PIK3C2G: variants seen among roughly 807,000 people sequenced by gnomAD.
PIK3C2G encodes phosphatidylinositol 3-kinase C2 domain-containing subunit gamma.
A neutral mutation model predicts 181.1 loss-of-function variants in PIK3C2G; 168 were observed. That is an observed-to-expected ratio of 0.93 (90% CI 0.82 to 1.05). The LOEUF is 1.05. PIK3C2G is among the 50% of genes least tolerant of loss of function. PIK3C2G has a pLI of 0.00. For missense variants in PIK3C2G, 1,869 were observed against 1,732.8 expected, an observed-to-expected ratio of 1.08 and a Z score of -1.40; for synonymous variants, 573 against 592.2, an observed-to-expected ratio of 0.97 and a Z score of 0.47.
chr12:18,320,724 GT>G (rs1951071916), intron 6 of PIK3C2G, among the ~76,000 whole-genome samples: 1 of 152,216 alleles, frequency 6.6e-6, no homozygotes, highest in African/African-American at 2.4e-5. Flanking sequence ...ATGCCACGAT[GT>G]TTTTCAACTA....
At chr12:18,713,929 T>G in the PIK3C2G span, 2 of 152,244 alleles carry the variant, frequency 1.3e-5, no homozygotes, top group African/African-American at 4.8e-5. Flanking sequence ...GTGTTCATAC[T>G]ACAAGAGAGC....
At chr12:18,487,255 C>G (rs763635380) in intron 18 of PIK3C2G, among the ~76,000 whole-genome samples, 7 of 151,892 alleles carry the variant, frequency 4.6e-5, no homozygotes, top group Non-Finnish European at 8.8e-5. Flanking sequence ...GGAACAGGCC[C>G]TTACCTTAAA....
At chr12:18,584,412 G>A (rs1022548286) in intron 29 of PIK3C2G, among the ~76,000 whole-genome samples, 46 of 152,192 alleles carry the variant, frequency 3.0e-4, no homozygotes, top group African/African-American at 9.6e-4. Flanking sequence ...AATATTAACA[G>A]CAGATTAGAC....
intron 32 of PIK3C2G, among the ~76,000 whole-genome samples, chr12:18,646,505 G>T (rs898787202): frequency 7.9e-5 from 12 of 152,114 alleles, no homozygotes; most frequent in Non-Finnish European, 1.0e-4. Flanking sequence ...ACCTGGAACT[G>T]AATTTCATTG....
the PIK3C2G span, among the ~76,000 whole-genome samples, chr12:18,703,484 C>T: frequency 1.7e-4 from 26 of 152,174 alleles, no homozygotes; most frequent in Non-Finnish European, 3.2e-4. Context: ...ATGACCATTG[C>T]TTTCTGACCT....
the PIK3C2G span, chr12:18,723,430 T>C: frequency 1.2e-6 from 2 of 1,613,056 alleles, no homozygotes; most frequent in Middle Eastern, 1.7e-4. Flanking sequence ...AATTTTCCGG[T>C]TTTCAGAATA....
At chr12:18,266,013 TAAAAAAAA>T (rs61315448) in intron 1 of PIK3C2G, among the ~76,000 whole-genome samples, 1 of 61,752 alleles carries the variant, frequency 1.6e-5, no homozygotes, top group Non-Finnish European at 2.8e-5. Flanking sequence ...AGACTTCATC[TAAAAAAAA>T]AAAAAAAAAA....
Position 18,362,805 on chromosome 12 carries a change from G to A in PIK3C2G, c.1667G>A (p.Gly556Glu), listed in dbSNP as rs576853300. 6.6e-7 allele frequency: 1 copy of A among 1,524,650 alleles called. No homozygotes were observed. The highest frequency in any genetic ancestry group is 8.8e-7 in the Non-Finnish European group (1 of 1,142,108). 94.4% of individuals were successfully genotyped at this position (1,524,650 alleles called of 1,614,324 possible). Residue 556 changes from glycine to glutamate, a missense_variant, in exon 12 of 33, where the codon GGA becomes GAA. By Grantham distance (98) the Gly-to-Glu change is moderately conservative. Coordinates refer to ENST00000538779, the MANE Select transcript of PIK3C2G (RefSeq NM_001288772.2). ...FSFTCWLTYA[G>E]KKLCQVRNYR... ...TTTACCTGTTGGCTTACATATGCTG[G>A]AAAGAAGCTGTGCCAAGTGAGAAAC... is the stretch of plus-strand genomic sequence containing the variant.
chr12:18,544,714 G>A (rs1242333597), intron 25 of PIK3C2G, among the ~76,000 whole-genome samples: 2 of 151,860 alleles, frequency 1.3e-5, no homozygotes, highest in African/African-American at 2.4e-5. Context: ...TAATTTAGAT[G>A]TCATGAGTTT....
upstream of PIK3C2G, among the ~76,000 whole-genome samples, chr12:18,246,437 TTGG>T (rs1448465089): frequency 2.0e-5 from 3 of 152,140 alleles, no homozygotes; most frequent in African/African-American, 7.2e-5. Context: ...GATTATAATA[TTGG>T]TGGTGTTTTA....
At chr12:18,276,973 A>G (rs955698191) in intron 1 of PIK3C2G, among the ~76,000 whole-genome samples, 1 of 152,222 alleles carries the variant, frequency 6.6e-6, no homozygotes, top group Non-Finnish European at 1.5e-5. Flanking sequence ...AATTGTTCGC[A>G]TAAAAGGGCA....
In PIK3C2G at chr12:18,286,905, C is replaced by A; in HGVS notation, c.737C>A (p.Ala246Asp). 1.9e-6 allele frequency: 3 copies of A among 1,567,876 alleles called. No homozygotes were observed. Among genetic ancestry groups the A allele is most frequent in the African/African-American group, 2.7e-5 (2 of 73,550 alleles). The change falls in exon 3 of 33, where the codon GCC (alanine) becomes GAC (aspartate). Residue 246 changes from alanine to aspartate, a missense_variant. Ala to Asp is a moderately radical substitution (Grantham distance 126, BLOSUM62 -2). Coordinates refer to ENST00000538779, the MANE Select transcript of PIK3C2G (RefSeq NM_001288772.2). Reference protein sequence around the residue: ...EVPQSSNTSLASFCNKVKKIR... With the variant: ...EVPQSSNTSLDSFCNKVKKIR... ...CCTCAAAGCAGCAATACGAGTCTGG[C>A]CTCTTTTTGCAACAAAGTAAAAAAG...
chr12:18,683,489 T>G, the PIK3C2G span: 21 of 1,482,994 alleles, frequency 1.4e-5, no homozygotes, highest in Non-Finnish European at 1.9e-5. Flanking sequence ...AATTAAATAT[T>G]TGCATTTTCT....
At chr12:18,358,634 C>A (rs565951708) in intron 11 of PIK3C2G, 50 of 485,034 alleles carry the variant, frequency 1.0e-4, no homozygotes, top group African/African-American at 9.3e-4. Flanking sequence ...AAAAAAATTC[C>A]TATCCTCAGC....
the PIK3C2G span, among the ~76,000 whole-genome samples, chr12:18,678,144 T>C: frequency 6.6e-6 from 1 of 152,062 alleles, no homozygotes. Flanking sequence ...ACACCTCCTA[T>C]TCATTCAATT....
In PIK3C2G at chr12:18,391,158, C is replaced by G. The variant is rs1201010998; in HGVS notation, c.2032C>G (p.Pro678Ala). The change falls in exon 15 of 33, where the codon CCT becomes GCT. Residue 678 changes from proline (P) to alanine (A), a missense_variant. Physicochemically the swap from Pro to Ala is conservative, Grantham distance 27 (BLOSUM62 -1). Transcript: ENST00000538779. ...AGCTACTGGGTGGGAGTATATGAAACCTGATTCTGAAGAGAATAGAAGTAA... is the reference window on the plus strand; with the variant it reads ...AGCTACTGGGTGGGAGTATATGAAAGCTGATTCTGAAGAGAATAGAAGTAA... Reference protein sequence around the residue: ...FPATGWEYMKPDSEENRSNLE... With the variant: ...FPATGWEYMKADSEENRSNLE... 2.5e-6 allele frequency: 4 copies of G among 1,607,700 alleles called. No individual in the cohort carries two copies. Among genetic ancestry groups the G allele is most frequent in the Non-Finnish European group, 3.4e-6 (4 of 1,176,610 alleles).
intron 18 of PIK3C2G, among the ~76,000 whole-genome samples, chr12:18,433,339 C>T (rs897415543): frequency 6.6e-6 from 1 of 151,820 alleles, no homozygotes; most frequent in Non-Finnish European, 1.5e-5. Context: ...ATGGTGAAAC[C>T]CCATTTCTAC....
At chr12:18,432,875 T>A (rs1946238994) in intron 18 of PIK3C2G, among the ~76,000 whole-genome samples, 1 of 152,192 alleles carries the variant, frequency 6.6e-6, no homozygotes, top group East Asian at 1.9e-4. Context: ...CAATTCAGAT[T>A]TCTTTCTAAT....
At chr12:18,717,882 G>T in the PIK3C2G span, among the ~76,000 whole-genome samples, 2 of 152,088 alleles carry the variant, frequency 1.3e-5, no homozygotes, top group Admixed American at 6.5e-5. Context: ...AGTGGAAATC[G>T]CATTTCGAAT....
Sources: allele counts gnomAD v4.1 joint callset (sites outside exome capture counted in the v4.1 genomes callset), GRCh38; gene constraint gnomAD v4.1.1; transcripts MANE v1.5; gene names NCBI Gene and HGNC (gene_info 2026-07-23, HGNC 2026-07-21).